DKK2: variants seen among roughly 807,000 people sequenced by gnomAD.
The protein encoded by DKK2 is dickkopf-related protein 2.
In DKK2, 11 loss-of-function variants were observed where a neutral mutation model predicts 28.1. The ratio of observed to expected loss-of-function variants is 0.39; its 90% CI spans 0.25 to 0.65. The LOEUF (loss-of-function observed/expected upper bound fraction) is 0.65. DKK2 is among the 30% of genes least tolerant of loss of function. DKK2 has a pLI of 0.47. For missense variants in DKK2, 326 were observed against 335.5 expected, an observed-to-expected ratio of 0.97 and a Z score of 0.22; for synonymous variants, 135 against 126.5, an observed-to-expected ratio of 1.07 and a Z score of -0.45.
At chr4:106,944,025 G>C (rs1017714177) in intron 1 of DKK2, among the ~76,000 whole-genome samples, 1 of 152,102 alleles carries the variant, frequency 6.6e-6, no homozygotes, top group Middle Eastern at 3.4e-3. Flanking sequence ...AGTATTCCTA[G>C]TTAAGCACCA....
In DKK2 at chr4:106,923,974, G is replaced by T. The variant is rs1374081805; in HGVS notation, c.760C>A (p.His254Asn). Residue 254 changes from histidine (H) to asparagine (N), a missense_variant, in exon 4 of 4, where the codon CAT (histidine) becomes AAT (asparagine). By Grantham distance (68) the His-to-Asn change is moderately conservative (BLOSUM62 1). Coordinates refer to ENST00000285311, the MANE Select transcript of DKK2 (RefSeq NM_014421.3). ...DATYSSKARL[H>N]VCQKI The stretch of plus-strand genomic sequence containing the variant: ...GGTGATCAAATTTTCTGACACACAT[G>T]GAGTCTGGCTTTGGAGGAGTAGGTG... 2 of 1,613,844 alleles carry T rather than the reference G, an allele frequency of 1.2e-6. No individual in the cohort carries two copies. Among genetic ancestry groups the T allele is most frequent in the Middle Eastern group, 3.3e-4 (2 of 6,060 alleles).
In DKK2 at chr4:106,964,905, A is replaced by G. The variant is rs564916423; in HGVS notation, c.223-38956T>C. ...GCCAATTTCTTAAACAACATGATAGATGATAGATAGGAGAGAGAGAGAGAG... is the reference window on the plus strand; with the variant it reads ...GCCAATTTCTTAAACAACATGATAGGTGATAGATAGGAGAGAGAGAGAGAG... On this transcript the variant is annotated intron_variant, in intron 1 of 3. Transcript: ENST00000285311. Among the ~76,000 whole-genome samples the G allele has an allele frequency of 3.3e-5, 5 of 152,140 alleles. No homozygotes were observed. In the South Asian group the frequency reaches 1.0e-3, roughly 32 times the overall value.
chr4:106,974,128 G>T (rs999348633), intron 1 of DKK2, among the ~76,000 whole-genome samples: 1 of 152,154 alleles, frequency 6.6e-6, no homozygotes, highest in African/African-American at 2.4e-5. Context: ...GTACCATGCT[G>T]TTTTGGTTAC....
At chr4:107,013,503 A>G (rs1273982138) in intron 1 of DKK2, among the ~76,000 whole-genome samples, 1 of 151,446 alleles carries the variant, frequency 6.6e-6, no homozygotes, top group Non-Finnish European at 1.5e-5. Flanking sequence ...AAAAGAATGA[A>G]ATTAGACTAT....
chr4:106,995,880 G>T (rs1233440426), intron 1 of DKK2, among the ~76,000 whole-genome samples: 1 of 152,056 alleles, frequency 6.6e-6, no homozygotes, highest in African/African-American at 2.4e-5. Context: ...CAAAGTGCTG[G>T]GATTACAGGC....
chr4:107,011,256 G>T (rs1386509780), intron 1 of DKK2, among the ~76,000 whole-genome samples: 1 of 151,282 alleles, frequency 6.6e-6, no homozygotes, highest in East Asian at 1.9e-4. Flanking sequence ...AAACTCTTTG[G>T]GTCTACTTTA....
At chr4:106,964,716 C>A (rs1722742208) in intron 1 of DKK2, among the ~76,000 whole-genome samples, 1 of 151,774 alleles carries the variant, frequency 6.6e-6, no homozygotes, top group South Asian at 2.1e-4. Context: ...AGGAGATTAC[C>A]CTGGATAATG....
chr4:106,977,138 G>A (rs1322640953), intron 1 of DKK2, among the ~76,000 whole-genome samples: 1 of 152,180 alleles, frequency 6.6e-6, no homozygotes, highest in Non-Finnish European at 1.5e-5. Context: ...CCCTTTGTGG[G>A]TAACCCAACC....
At chr4:106,930,699 C>T (rs1051165318) in intron 1 of DKK2, among the ~76,000 whole-genome samples, 6 of 152,090 alleles carry the variant, frequency 3.9e-5, no homozygotes, top group African/African-American at 1.4e-4. Flanking sequence ...CTGTTTGTAA[C>T]AATCTCGGAA....
At chr4:106,937,965 A>T (rs1451478682) in intron 1 of DKK2, among the ~76,000 whole-genome samples, 1 of 145,174 alleles carries the variant, frequency 6.9e-6, no homozygotes, top group Non-Finnish European at 1.5e-5. Flanking sequence ...ACGCATTCAA[A>T]GCAGTGTGTA....
chr4:106,990,691 TAC>T (rs1407215455), intron 1 of DKK2, among the ~76,000 whole-genome samples: 1 of 152,106 alleles, frequency 6.6e-6, no homozygotes, highest in Non-Finnish European at 1.5e-5. Flanking sequence ...AAGCACCTCT[TAC>T]AGTCCAGTCT....
At chr4:106,966,988 T>C (rs553912478) in intron 1 of DKK2, among the ~76,000 whole-genome samples, 5 of 152,296 alleles carry the variant, frequency 3.3e-5, no homozygotes, top group South Asian at 2.1e-4. Context: ...AGTTCATTTG[T>C]ATATCATAGG....
chr4:106,947,824 A>G (rs1724800607), intron 1 of DKK2, among the ~76,000 whole-genome samples: 1 of 151,914 alleles, frequency 6.6e-6, no homozygotes, highest in East Asian at 1.9e-4. Context: ...GCAGGTGTAT[A>G]CCACCATGCC....
At position 106,924,181 on chromosome 4, in the gene DKK2, G is replaced by A. The variant is rs1724391519; in HGVS notation, c.553C>T (p.Arg185Ter). ...IKGHEGDPCLRSSDCIEGFCC... is the reference protein window; with the variant it reads ...IKGHEGDPCL ...AACCCTTCAATGCAGTCTGATGATC[G>A]TAGGCAGGGGTCTCCTTCATGCCCT... Residue 185 changes from arginine to a stop codon, truncating the protein, a stop_gained, in exon 4 of 4, where the codon CGA becomes TGA. Transcript: ENST00000285311. LOFTEE classifies it high-confidence loss of function. 4.3e-6 allele frequency: 7 copies of A among 1,613,840 alleles called. No homozygotes were observed. Among genetic ancestry groups the A allele is most frequent in the Non-Finnish European group, 5.9e-6 (7 of 1,179,894 alleles).
intron 1 of DKK2, among the ~76,000 whole-genome samples, chr4:106,928,266 A>G (rs1435316480): frequency 6.6e-6 from 1 of 152,148 alleles, no homozygotes; most frequent in Non-Finnish European, 1.5e-5. Context: ...ATTTGATCAA[A>G]AATAGAAAGT....
intron 1 of DKK2, among the ~76,000 whole-genome samples, chr4:106,994,746 C>T (rs1046763683): frequency 6.6e-6 from 1 of 152,152 alleles, no homozygotes. Context: ...TTAATGGCTA[C>T]CACTGGCCCA....
At chr4:106,935,124 G>A (rs956194724) in intron 1 of DKK2, among the ~76,000 whole-genome samples, 8 of 152,276 alleles carry the variant, frequency 5.3e-5, no homozygotes, top group African/African-American at 1.4e-4. Context: ...CAAGATGGCC[G>A]AATAGGAACA....
intron 1 of DKK2, among the ~76,000 whole-genome samples, chr4:106,927,796 C>T (rs1030223212): frequency 1.3e-5 from 2 of 152,118 alleles, no homozygotes; most frequent in Admixed American, 6.6e-5. Flanking sequence ...GATTCATTTA[C>T]ATTTATTTCA....
intron 1 of DKK2, among the ~76,000 whole-genome samples, chr4:106,983,368 G>GAAAGAAAGAAAGAAAGAAAGA (rs35298593): frequency 0.019 from 1,746 of 92,546 alleles, 10 homozygotes; most frequent in Middle Eastern, 0.036. Flanking sequence ...AAGAAAGAAA[G>GAAAGAAAGAAAGAAAGAAAGA]AAGAAAGAAA....
Sources: allele counts gnomAD v4.1 joint callset (sites outside exome capture counted in the v4.1 genomes callset), GRCh38; gene constraint gnomAD v4.1.1; transcripts MANE v1.5; gene names NCBI Gene and HGNC (gene_info 2026-07-23, HGNC 2026-07-21).